The following ATP6V0A2 variants were observed in gnomAD, a reference collection of about 807,000 sequenced individuals.
ATP6V0A2 encodes the protein V-type proton ATPase 116 kDa subunit a 2.
ATP6V0A2 carries 58 observed loss-of-function variants against 104.4 expected under a neutral mutation model. The observed-to-expected ratio is 0.56, with a 90% CI of 0.45 to 0.69. ATP6V0A2 has a LOEUF of 0.69. Among genes scored for constraint, ATP6V0A2 ranks in the 30% least tolerant of loss-of-function variants. The probability of loss-of-function intolerance (pLI) is 0.00; values close to 1 mark genes in which losing one functional copy is unlikely to be tolerated. For synonymous variants in ATP6V0A2, 376 were observed against 397.9 expected (o/e 0.95, Z 0.65); for missense variants, 938 against 1,062.9 (o/e 0.88, Z 1.63).
chr12:123,745,647 A>C (rs1056004749), intron 13 of ATP6V0A2, among the ~76,000 whole-genome samples: 12 of 151,682 alleles, frequency 7.9e-5, no homozygotes, highest in Admixed American at 6.6e-4. Context: ...CGAAGCTTGC[A>C]GTGAGCCGAG....
At chr12:123,757,052 C>G (rs775317918) in intron 19 of ATP6V0A2, 66 bp downstream of exon 19, 216 of 1,553,242 alleles carry the variant, frequency 1.4e-4, no homozygotes, top group Non-Finnish European at 1.8e-4. Context: ...ACTGCCCCGC[C>G]CAACCAAATA....
At position 123,735,906 on chromosome 12, in the gene ATP6V0A2, C is replaced by G. The variant is rs955118297; in HGVS notation, c.825+282C>G. ...TTTCTTTTTCAGACAGGCTCTCGCT[C>G]TGTCGCCCAGGCTTGGAGTGCAGTG... On this transcript the variant is annotated intron_variant, in intron 8 of 19. Transcript: ENST00000330342. Among the ~76,000 whole-genome samples, 15 of 152,200 alleles carry G rather than the reference C, an allele frequency of 9.9e-5. 1 individual carries two copies. Among genetic ancestry groups the G allele is most frequent in the African/African-American group, 3.4e-4 (14 of 41,454 alleles).
At chr12:123,751,476 G>A (rs865925755) in intron 16 of ATP6V0A2, among the ~76,000 whole-genome samples, 2 of 151,934 alleles carry the variant, frequency 1.3e-5, no homozygotes, top group African/African-American at 2.4e-5. Flanking sequence ...GCAACATGGC[G>A]AAACCCTGTC....
At chr12:123,730,878 T>C (rs1956495965) in intron 6 of ATP6V0A2, 1 of 152,208 alleles carries the variant, frequency 6.6e-6, no homozygotes, top group South Asian at 2.1e-4. Flanking sequence ...GGCTAATTTT[T>C]GTATTTTTAA....
intron 9 of ATP6V0A2, among the ~76,000 whole-genome samples, chr12:123,738,575 CTGTT>C (rs1309701456): frequency 1.3e-5 from 2 of 152,088 alleles, no homozygotes; most frequent in Non-Finnish European, 2.9e-5. Context: ...TAGGATGTTT[CTGTT>C]TGTTTATTTG....
chr12:123,713,474 A>C (rs1263223727), intron 1 of ATP6V0A2, among the ~76,000 whole-genome samples: 1 of 152,076 alleles, frequency 6.6e-6, no homozygotes, highest in Non-Finnish European at 1.5e-5. Flanking sequence ...GAGAGTAAGT[A>C]CCTTAACGCA....
intron 9 of ATP6V0A2, among the ~76,000 whole-genome samples, chr12:123,741,782 A>T (rs1286526206): frequency 6.6e-6 from 1 of 152,118 alleles, no homozygotes; most frequent in Non-Finnish European, 1.5e-5. Context: ...GAGATTCTAT[A>T]TTATTACACA....
At chr12:123,718,316 C>A (rs544094343) in intron 1 of ATP6V0A2, among the ~76,000 whole-genome samples, 29 of 151,950 alleles carry the variant, frequency 1.9e-4, no homozygotes, top group Non-Finnish European at 3.4e-4. Flanking sequence ...TCTTGAACTC[C>A]CGACCTCAAG....
rs1566276347 is a variant in ATP6V0A2 at position 123,724,695 on chromosome 12, T to C, written c.336T>C (p.Thr112=). Residue 112 remains threonine, a synonymous_variant, in exon 4 of 20, where the codon ACT becomes ACC. Transcript: ENST00000330342. ...QKLEVELREV[T]KNKEKLRKNL... ...TCGAGGTTGAACTGAGAGAAGTCAC[T>C]AAGAACAAGGAGAAACTGAGGAAAA... 1.9e-6 allele frequency: 3 copies of C among 1,613,868 alleles called. No individual in the cohort carries two copies. The highest frequency in any genetic ancestry group is 2.5e-6 in the Non-Finnish European group (3 of 1,179,894).
chr12:123,729,333 T>TTTTTTTTTTTTTTTTA (rs1593895328), intron 6 of ATP6V0A2, among the ~76,000 whole-genome samples: 7 of 150,776 alleles, frequency 4.6e-5, no homozygotes, highest in Non-Finnish European at 7.4e-5. Context: ...TTTTTTTTTT[T>TTTTTTTTTTTTTTTTA]GAGTGCAAAT....
intron 15 of ATP6V0A2, chr12:123,750,767 A>G: frequency 5.8e-6 from 2 of 344,754 alleles, no homozygotes; most frequent in Non-Finnish European, 1.1e-5. Flanking sequence ...CAGAACCAAG[A>G]ATATACAAAA....
At position 123,727,864 on chromosome 12, in the gene ATP6V0A2, C is replaced by T. The variant is rs181112338; in HGVS notation, c.603C>T (p.Ile201=). 2.0e-4 allele frequency: 330 copies of T among 1,614,158 alleles called. 3 individuals carry two copies. In the East Asian group the frequency reaches 5.9e-3, roughly 29 times the overall value. Residue 201 remains isoleucine, a synonymous_variant, in exon 6 of 20, where the codon ATC becomes ATT. Transcript: ENST00000330342. ...MLWRVCKGYT[I]VSYAELDESL... ...GGAGAGTCTGCAAAGGGTACACCAT[C>T]GTGTCCTATGCAGAACTGGATGAAT...
intron 1 of ATP6V0A2, among the ~76,000 whole-genome samples, chr12:123,713,879 T>C (rs886725262): frequency 6.6e-6 from 1 of 152,158 alleles, no homozygotes; most frequent in South Asian, 2.1e-4. Flanking sequence ...TCCATTGATA[T>C]CAGATATCTA....
intron 16 of ATP6V0A2, 57 bp downstream of exon 16, chr12:123,751,286 C>T (rs1956711812): frequency 6.2e-7 from 1 of 1,613,302 alleles, no homozygotes; most frequent in Non-Finnish European, 8.5e-7. Flanking sequence ...TTCGGTTATA[C>T]AAGGATTGGT....
chr12:123,735,634 C>T lies in ATP6V0A2; in HGVS notation c.825+10C>T, dbSNP rs746608946. Reference sequence around the variant, plus strand: ...CCAGGATCTCTACACTGTGAGTAAGCTGGAAGTGGATTGCCTCTTTATCTG... The same window carrying T: ...CCAGGATCTCTACACTGTGAGTAAGTTGGAAGTGGATTGCCTCTTTATCTG... On this transcript the variant is annotated intron_variant, in intron 8 of 19. Transcript: ENST00000330342. The T allele has an allele frequency of 6.2e-7, 1 of 1,606,710 alleles. No individual in the cohort carries two copies. Among genetic ancestry groups the T allele is most frequent in the Admixed American group, 1.7e-5 (1 of 60,002 alleles).
chr12:123,742,785 G>A (rs186543795), intron 9 of ATP6V0A2, among the ~76,000 whole-genome samples: 203 of 150,522 alleles, frequency 1.3e-3, no homozygotes, highest in Non-Finnish European at 2.5e-3. Flanking sequence ...GCAGTGAGCC[G>A]AGATCACACC....
At chr12:123,719,067 G>T (rs770731767) in intron 2 of ATP6V0A2, among the ~76,000 whole-genome samples, 10 of 152,128 alleles carry the variant, frequency 6.6e-5, no homozygotes, top group Non-Finnish European at 1.5e-4. Flanking sequence ...TTATTTAACC[G>T]ATCCCTTGTA....
intron 13 of ATP6V0A2, 32 bp downstream of exon 13, chr12:123,745,004 G>T (rs1442653934): frequency 6.2e-7 from 1 of 1,600,074 alleles, no homozygotes; most frequent in Non-Finnish European, 8.5e-7. Flanking sequence ...GTTGTCTCTG[G>T]ATGCTCTGTG....
At chr12:123,729,095 T>C (rs150265670) in intron 6 of ATP6V0A2, among the ~76,000 whole-genome samples, 17 of 152,320 alleles carry the variant, frequency 1.1e-4, no homozygotes, top group African/African-American at 3.6e-4. Context: ...TTCAGCTTCC[T>C]CATTTATTTC....
Sources: allele counts gnomAD v4.1 joint callset (sites outside exome capture counted in the v4.1 genomes callset), GRCh38; gene constraint gnomAD v4.1.1; transcripts MANE v1.5; gene names NCBI Gene and HGNC (gene_info 2026-07-23, HGNC 2026-07-21).